The following MCTP1 variants were observed in gnomAD, a reference collection of about 807,000 sequenced individuals.
MCTP1 encodes multiple C2 and transmembrane domain containing 1.
In MCTP1, 69 loss-of-function variants were observed where a neutral mutation model predicts 120.6. That is an observed-to-expected ratio of 0.57 (90% CI 0.47 to 0.70). MCTP1 has a LOEUF of 0.70. Among genes scored for constraint, MCTP1 ranks in the 30% least tolerant of loss-of-function variants. MCTP1 has a pLI of 0.00. For missense variants in MCTP1, 1,203 were observed against 1,248.8 expected, an observed-to-expected ratio of 0.96 and a Z score of 0.55; for synonymous variants, 529 against 493.1, an observed-to-expected ratio of 1.07 and a Z score of -0.96.
chr5:95,002,985 C>A (rs141741704), intron 2 of MCTP1, among the ~76,000 whole-genome samples: 2 of 152,110 alleles, frequency 1.3e-5, no homozygotes, highest in Admixed American at 1.3e-4. Context: ...GGGGCAGCTT[C>A]CCCCATGCTG....
chr5:94,718,885 A>G (rs562300720), intron 19 of MCTP1, among the ~76,000 whole-genome samples: 2 of 152,180 alleles, frequency 1.3e-5, no homozygotes, highest in African/African-American at 4.8e-5. Flanking sequence ...ACACCTGGCT[A>G]ATTTTTTGTA....
rs1330548304 is a variant in MCTP1 at position 94,894,648 on chromosome 5, C to A, written c.1839+1G>T. The A allele has an allele frequency of 2.5e-6, 4 of 1,594,434 alleles. No individual in the cohort carries two copies. The highest frequency in any genetic ancestry group is 8.6e-7 in the Non-Finnish European group (1 of 1,165,330). The stretch of plus-strand genomic sequence containing the variant: ...TGGAAGGAGGAGGGTTACATACGTA[C>A]ATATCTCTTTAATATCTCCTCTCGT... On this transcript the variant is annotated splice_donor_variant, in intron 11 of 22. Transcript: ENST00000515393. LOFTEE classifies it high-confidence loss of function.
At chr5:94,776,333 C>T (rs550546094) in intron 19 of MCTP1, among the ~76,000 whole-genome samples, 2 of 152,166 alleles carry the variant, frequency 1.3e-5, no homozygotes, top group East Asian at 1.9e-4. Context: ...TTCATAATCG[C>T]CCAACAATCT....
intron 1 of MCTP1, among the ~76,000 whole-genome samples, chr5:95,265,317 G>C (rs939606307): frequency 6.6e-6 from 1 of 152,164 alleles, no homozygotes; most frequent in African/African-American, 2.4e-5. Flanking sequence ...CCCAAGCAGA[G>C]AATCGGGCTT....
chr5:94,791,974 G>C (rs1188544931), intron 18 of MCTP1: 1 of 152,504 alleles, frequency 6.6e-6, no homozygotes, highest in Admixed American at 6.5e-5. Flanking sequence ...TGTGCCAGTG[G>C]AGGAGCCCCG....
In MCTP1 at chr5:94,706,606, T is replaced by A. The variant is rs1044991638; in HGVS notation, c.*890A>T. 3 of 150,686 alleles carry A rather than the reference T, an allele frequency of 2.0e-5. No individual in the cohort carries two copies. Among genetic ancestry groups the A allele is most frequent in the African/African-American group, 7.3e-5 (3 of 41,052 alleles). 9.3% of individuals were successfully genotyped at this position (150,686 alleles called of 1,614,324 possible). ...TTTTTTTTCTCTGAGAGCACTTGAG[T>A]ATTTATTAAAATATTTTTAGATGCA... On this transcript the variant is annotated 3_prime_UTR_variant, in exon 23 of 23. Coordinates refer to ENST00000515393, the MANE Select transcript of MCTP1 (RefSeq NM_024717.7).
At chr5:94,901,571 C>T (rs539645783) in intron 10 of MCTP1, among the ~76,000 whole-genome samples, 6 of 151,926 alleles carry the variant, frequency 3.9e-5, no homozygotes, top group Non-Finnish European at 8.8e-5. Flanking sequence ...GAACTTGAAC[C>T]ATGTTTCCTG....
chr5:95,110,042 T>G (rs1022081362), intron 1 of MCTP1, among the ~76,000 whole-genome samples: 2 of 152,118 alleles, frequency 1.3e-5, no homozygotes, highest in Non-Finnish European at 2.9e-5. Flanking sequence ...CTCAAGAAAT[T>G]TATAAATACC....
intron 18 of MCTP1, among the ~76,000 whole-genome samples, chr5:94,791,156 G>A (rs1338638881): frequency 2.7e-5 from 4 of 150,688 alleles, no homozygotes; most frequent in African/African-American, 9.7e-5. Context: ...AAAATTAGCC[G>A]GGTGCAGTGG....
rs73776183 is a variant in MCTP1 at position 95,097,786 on chromosome 5, G to T, written c.721-80302C>A. On this transcript the variant is annotated intron_variant, in intron 1 of 22. Coordinates refer to ENST00000515393, the MANE Select transcript of MCTP1 (RefSeq NM_024717.7). Reference sequence around the variant, plus strand: ...GGTAAAGGTGATCTAATAATAGATAGATCAAAGCACGAAGAAAAGAAAAAG... The same window carrying T: ...GGTAAAGGTGATCTAATAATAGATATATCAAAGCACGAAGAAAAGAAAAAG... Among the ~76,000 whole-genome samples the T allele has an allele frequency of 4.8e-3, 734 of 152,266 alleles. 7 individuals are homozygous for T. Among genetic ancestry groups the T allele is most frequent in the African/African-American group, 0.017 (696 of 41,540 alleles).
At chr5:95,226,886 C>A (rs1754338651) in intron 1 of MCTP1, among the ~76,000 whole-genome samples, 1 of 151,936 alleles carries the variant, frequency 6.6e-6, no homozygotes, top group African/African-American at 2.4e-5. Context: ...TTTCCTGAAG[C>A]AATTAACAAA....
chr5:94,837,893 A>G lies in MCTP1; in HGVS notation c.2436+30440T>C, dbSNP rs1343844210. Among the ~76,000 whole-genome samples the G allele has an allele frequency of 9.2e-5, 14 of 152,218 alleles. No homozygotes were observed. The East Asian group carries it at 2.7e-3, about 29-fold the overall frequency. On this transcript the variant is annotated intron_variant, in intron 17 of 22. Coordinates refer to ENST00000515393, the MANE Select transcript of MCTP1 (RefSeq NM_024717.7). ...TAACTACACTTGCCAGGAGTCAGAA[A>G]AGCAGACATTCTGAGGAACTGCTCT...
intron 1 of MCTP1, among the ~76,000 whole-genome samples, chr5:95,102,022 T>C (rs1484297287): frequency 1.3e-5 from 2 of 152,176 alleles, no homozygotes; most frequent in African/African-American, 4.8e-5. Context: ...CAATTTATCA[T>C]ATTAATTTTT....
intron 17 of MCTP1, among the ~76,000 whole-genome samples, chr5:94,860,537 TG>T (rs1440001010): frequency 1.3e-5 from 2 of 151,820 alleles, no homozygotes; most frequent in African/African-American, 4.8e-5. Context: ...TTAATAATTT[TG>T]CATAAAGATC....
chr5:95,180,133 C>T (rs1029906544), intron 1 of MCTP1, among the ~76,000 whole-genome samples: 1 of 152,142 alleles, frequency 6.6e-6, no homozygotes, highest in African/African-American at 2.4e-5. Context: ...AACACTGGAG[C>T]TCCCAAATTT....
chr5:94,908,683 A>T (rs1237481259), intron 10 of MCTP1, among the ~76,000 whole-genome samples: 1 of 146,890 alleles, frequency 6.8e-6, no homozygotes, highest in Non-Finnish European at 1.5e-5. Flanking sequence ...GTAGTCACTC[A>T]AAATAACCTT....
intron 1 of MCTP1, among the ~76,000 whole-genome samples, chr5:95,198,158 C>T (rs1166793633): frequency 6.6e-6 from 1 of 151,812 alleles, no homozygotes; most frequent in African/African-American, 2.4e-5. Flanking sequence ...TGCACACACA[C>T]ATAAATATAT....
rs563419578 is a variant in MCTP1, at chr5:95,181,614, G to C, written c.720+102242C>G. On this transcript the variant is annotated intron_variant, in intron 1 of 22. Transcript: ENST00000515393. ...ATACATACACAGGGTGAGAGAGAGA[G>C]AGAGAGACAATCCTCACTTAGCACA... Among the ~76,000 whole-genome samples the C allele has an allele frequency of 6.6e-5, 10 of 152,250 alleles. No individual in the cohort carries two copies. The East Asian group carries it at 1.5e-3, about 23-fold the overall frequency.
intron 1 of MCTP1, among the ~76,000 whole-genome samples, chr5:95,090,223 A>C: frequency 6.6e-6 from 1 of 152,226 alleles, no homozygotes; most frequent in Non-Finnish European, 1.5e-5. Context: ...TGTATGTTTA[A>C]TTTTGAATCA....
Sources: allele counts gnomAD v4.1 joint callset (sites outside exome capture counted in the v4.1 genomes callset), GRCh38; gene constraint gnomAD v4.1.1; transcripts MANE v1.5; gene names NCBI Gene and HGNC (gene_info 2026-07-23, HGNC 2026-07-21).